Variants in XRN1 observed in about 807,000 individuals in gnomAD.
XRN1 encodes the protein 5'-3' exoribonuclease 1, also known as strand-exchange protein 1 homolog.
In XRN1, 67 loss-of-function variants were observed where a neutral mutation model predicts 222.3. The observed-to-expected ratio is 0.30, with a 90% CI of 0.25 to 0.37. XRN1 has a LOEUF of 0.37. Among genes scored for constraint, XRN1 ranks in the 10% least tolerant of loss-of-function variants. The probability of loss-of-function intolerance (pLI) is 1.00; values close to 1 mark genes in which losing one functional copy is unlikely to be tolerated. For missense variants in XRN1, 1,707 were observed against 2,000.2 expected (o/e 0.85, Z 2.80); for synonymous variants, 643 against 652.4 (o/e 0.99, Z 0.22).
intron 5 of XRN1, among the ~76,000 whole-genome samples, chr3:142,424,495 CA>C (rs2069170740): frequency 6.6e-6 from 1 of 152,032 alleles, no homozygotes; most frequent in African/African-American, 2.4e-5. Context: ...AATCTTGATT[CA>C]AACAAGAAAA....
In XRN1 at chr3:142,324,085, GT is replaced by G. The variant is rs548473423; in HGVS notation, c.4405-5183del. 9.0e-3 allele frequency among the ~76,000 whole-genome samples: 1,307 copies of G among 145,218 alleles called. 20 individuals carry two copies. The highest frequency in any genetic ancestry group is 0.03 in the African/African-American group (1,194 of 39,722). ...ATATATATTATTGGGTTTTTTTTCA[GT>G]TTTTTTTTTATTATTTTTATTTTTT... On this transcript the variant is annotated intron_variant, in intron 37 of 40. Coordinates refer to ENST00000392981, the MANE Select transcript of XRN1 (RefSeq NM_001282857.2).
intron 21 of XRN1, 24 bp from the exon 22 acceptor site, chr3:142,383,437 T>A: frequency 6.3e-7 from 1 of 1,576,422 alleles, no homozygotes; most frequent in Non-Finnish European, 8.7e-7. Context: ...AAGTAAATAA[T>A]CTTAGTCATA....
chr3:142,410,734 T>C (rs778965499), intron 15 of XRN1, among the ~76,000 whole-genome samples: 9 of 152,094 alleles, frequency 5.9e-5, no homozygotes, highest in Non-Finnish European at 1.3e-4. Context: ...GACCTCATGA[T>C]CTACCCACCT....
At chr3:142,395,704 T>C (rs1172399736) in intron 20 of XRN1, among the ~76,000 whole-genome samples, 1 of 152,244 alleles carries the variant, frequency 6.6e-6, no homozygotes, top group Admixed American at 6.5e-5. Flanking sequence ...AAATATACGG[T>C]GTGGTTTATT....
At chr3:142,393,775 C>CT (rs775823551) in intron 20 of XRN1, among the ~76,000 whole-genome samples, 11 of 152,114 alleles carry the variant, frequency 7.2e-5, no homozygotes, top group Non-Finnish European at 1.3e-4. Context: ...TGTTCAACTA[C>CT]TTTGTTCAAT....
chr3:142,332,517 A>T lies in XRN1; in HGVS notation c.4080T>A (p.Leu1360=). The stretch of plus-strand genomic sequence containing the variant: ...AGCCATCAATTTTTAGAATTTCTTT[A>T]AGCATCCGTGTTCCCTTCTTTTTGA... ...QSFAMKGTRM[L]KEILKIDGSN... is the part of the protein sequence containing the mutation. The change falls in exon 36 of 41, where the codon CTT becomes CTA. Residue 1360 remains leucine, a synonymous_variant. Transcript: ENST00000392981. 1 of 1,610,888 alleles carries T rather than the reference A, an allele frequency of 6.2e-7. No homozygotes were observed. Among genetic ancestry groups the T allele is most frequent in the African/African-American group, 1.3e-5 (1 of 74,866 alleles).
intron 33 of XRN1, among the ~76,000 whole-genome samples, chr3:142,343,915 T>TG (rs1258272837): frequency 6.6e-6 from 1 of 152,158 alleles, no homozygotes; most frequent in African/African-American, 2.4e-5. Flanking sequence ...AAAAAAAGAA[T>TG]GAGATCCTGT....
At chr3:142,446,635 G>A (rs1454611103) in intron 1 of XRN1, among the ~76,000 whole-genome samples, 1 of 152,190 alleles carries the variant, frequency 6.6e-6, no homozygotes, top group African/African-American at 2.4e-5. Flanking sequence ...GAGATAAAGT[G>A]ACTGATATAT....
At chr3:142,402,568 A>G (rs1360331039) in intron 18 of XRN1, among the ~76,000 whole-genome samples, 4 of 152,206 alleles carry the variant, frequency 2.6e-5, no homozygotes, top group East Asian at 1.9e-4. Context: ...AAGATGGTAC[A>G]TAACTCCTAC....
At chr3:142,445,856 T>G (rs1175101461) in intron 1 of XRN1, among the ~76,000 whole-genome samples, 1 of 152,230 alleles carries the variant, frequency 6.6e-6, no homozygotes, top group Non-Finnish European at 1.5e-5. Context: ...TGAATAAAAC[T>G]CCTCTGTTTC....
chr3:142,365,226 T>A lies in XRN1; in HGVS notation c.3262-47A>T, dbSNP rs774839067. ...ATTATAATAAACAAAAAAATTTTCA[T>A]ACTAATATACTGAAAACATCTTTGC... On this transcript the variant is annotated intron_variant, in intron 28 of 40. Coordinates refer to ENST00000392981, the MANE Select transcript of XRN1 (RefSeq NM_001282857.2). 2.8e-5 allele frequency: 44 copies of A among 1,579,566 alleles called. 1 individual carries two copies. The South Asian group carries it at 5.1e-4, about 18-fold the overall frequency.
intron 40 of XRN1, 116 bp downstream of exon 40, chr3:142,312,482 C>A: frequency 9.6e-7 from 1 of 1,043,516 alleles, no homozygotes; most frequent in Non-Finnish European, 1.3e-6. Flanking sequence ...TCTTACTACC[C>A]ACACTAGTAC....
intron 20 of XRN1, among the ~76,000 whole-genome samples, chr3:142,395,840 C>CTT (rs2067908527): frequency 6.6e-6 from 1 of 152,204 alleles, no homozygotes; most frequent in African/African-American, 2.4e-5. Context: ...ATACACACTG[C>CTT]TTTTCCTCCT....
Position 142,365,719 on chromosome 3 carries a change from T to C in XRN1, c.3205-353A>G, listed in dbSNP as rs1017940563. On this transcript the variant is annotated intron_variant, in intron 27 of 40. Transcript: ENST00000392981. ...TTGCTAAGCACAACACAAGAAATCC[T>C]TTCCATCTCCTCCCAGTTACTACCC... Among the ~76,000 whole-genome samples the C allele has an allele frequency of 5.3e-5, 8 of 152,148 alleles. 1 individual carries two copies. The East Asian group carries it at 1.5e-3, about 29-fold the overall frequency.
At position 142,311,403 on chromosome 3, in the gene XRN1, C is replaced by T; in HGVS notation, c.*108G>A. The T allele has an allele frequency of 9.3e-7, 1 of 1,078,658 alleles. No homozygotes were observed. Among genetic ancestry groups the T allele is most frequent in the Non-Finnish European group, 1.3e-6 (1 of 786,786 alleles). The allele number at this position is 1,078,658 out of a possible 1,614,324, so 66.8% of individuals were successfully genotyped here. On this transcript the variant is annotated 3_prime_UTR_variant, in exon 41 of 41. Transcript: ENST00000392981. ...TAAAAATGAAAAAAATTTCAATTTACACATATTATTTTAAAATAGTACATT... is the reference window on the plus strand; with the variant it reads ...TAAAAATGAAAAAAATTTCAATTTATACATATTATTTTAAAATAGTACATT...
intron 33 of XRN1, among the ~76,000 whole-genome samples, chr3:142,345,039 G>T (rs190888997): frequency 7.9e-5 from 12 of 152,264 alleles, no homozygotes; most frequent in Admixed American, 5.2e-4. Flanking sequence ...TTCACATAAG[G>T]ACGGGCATAT....
At chr3:142,408,380 A>C (rs1244873880) in intron 15 of XRN1, among the ~76,000 whole-genome samples, 1 of 152,174 alleles carries the variant, frequency 6.6e-6, no homozygotes, top group Non-Finnish European at 1.5e-5. Context: ...TGTGTGCAGA[A>C]AAGGTATATT....
intron 29 of XRN1, among the ~76,000 whole-genome samples, chr3:142,361,477 G>C (rs2066628720): frequency 6.6e-6 from 1 of 152,134 alleles, no homozygotes; most frequent in Admixed American, 6.6e-5. Flanking sequence ...CCTACATCAT[G>C]ATAGCCCACC....
At chr3:142,413,295 T>C (rs2068658006) in intron 14 of XRN1, among the ~76,000 whole-genome samples, 2 of 152,194 alleles carry the variant, frequency 1.3e-5, no homozygotes, top group East Asian at 1.9e-4. Flanking sequence ...ATGGGCACTG[T>C]ACGATAAAAC....
Sources: gnomAD v4.1 joint callset for allele counts (sites outside exome capture counted in the v4.1 genomes callset) on GRCh38, gnomAD v4.1.1 for gene constraint, MANE v1.5 for transcripts, NCBI Gene and HGNC (gene_info 2026-07-23, HGNC 2026-07-21) for gene names.